Variants in ASTN2 observed in about 807,000 individuals in gnomAD.
ASTN2 encodes the protein astrotactin 2.
In ASTN2, 54 loss-of-function variants were observed where a neutral mutation model predicts 139.8. That is an observed-to-expected ratio of 0.39 (90% CI 0.31 to 0.48). ASTN2 has a LOEUF of 0.48. Ranked by LOEUF, ASTN2 falls within the 20% of genes least tolerant of loss-of-function variation. The pLI is 0.95. For missense variants in ASTN2, 1,565 were observed against 1,725.1 expected (o/e 0.91, Z 1.64); for synonymous variants, 756 against 719.5 (o/e 1.05, Z -0.81).
At chr9:117,224,855 T>A (rs1012982792) in intron 2 of ASTN2, among the ~76,000 whole-genome samples, 1 of 152,170 alleles carries the variant, frequency 6.6e-6, no homozygotes. Context: ...CTGACTGGGT[T>A]AAGTACCACC....
chr9:116,819,120 G>A (rs1167534822), intron 12 of ASTN2, among the ~76,000 whole-genome samples: 1 of 152,198 alleles, frequency 6.6e-6, no homozygotes, highest in Non-Finnish European at 1.5e-5. Flanking sequence ...GTAATGTGCT[G>A]TGGATGGAAG....
intron 4 of ASTN2, among the ~76,000 whole-genome samples, chr9:117,134,778 A>C (rs955280919): frequency 3.3e-5 from 5 of 152,170 alleles, no homozygotes; most frequent in African/African-American, 1.2e-4. Flanking sequence ...CAGATACGTA[A>C]TGCCCTGCTT....
intron 19 of ASTN2, among the ~76,000 whole-genome samples, chr9:116,565,389 A>C (rs5017820): frequency 0.14 from 2,427 of 17,230 alleles, 209 homozygotes; most frequent in Admixed American, 0.16. Context: ...CTCTCTCTCC[A>C]TATATATATA....
At chr9:117,274,093 G>A (rs1399807637) in intron 2 of ASTN2, among the ~76,000 whole-genome samples, 1 of 152,148 alleles carries the variant, frequency 6.6e-6, no homozygotes, top group East Asian at 1.9e-4. Context: ...GCTCACGCCT[G>A]TAATCCCAGC....
chr9:116,894,876 T>C (rs527631019), intron 10 of ASTN2, among the ~76,000 whole-genome samples: 1 of 152,328 alleles, frequency 6.6e-6, no homozygotes, highest in South Asian at 2.1e-4. Context: ...GCAAACAGTA[T>C]GAATTTAAGG....
intron 10 of ASTN2, among the ~76,000 whole-genome samples, chr9:116,958,201 A>T (rs542002271): frequency 3.0e-4 from 45 of 152,260 alleles, no homozygotes; most frequent in African/African-American, 9.9e-4. Flanking sequence ...CTACTCTTCA[A>T]ATTTTCTACT....
At position 117,380,443 on chromosome 9, in the gene ASTN2, A is replaced by G. The variant is rs183640878; in HGVS notation, c.442+34054T>C. 7.9e-5 allele frequency among the ~76,000 whole-genome samples: 12 copies of G among 152,076 alleles called. No homozygotes were observed. In the East Asian group the frequency reaches 2.1e-3, roughly 27 times the overall value. On this transcript the variant is annotated intron_variant, in intron 1 of 22. Coordinates refer to ENST00000313400, the MANE Select transcript of ASTN2 (RefSeq NM_001365068.1). Reference sequence around the variant, plus strand: ...GACATGGTGAAACCCTGTCTCTACTAAAAATACAAAAATTAGCTGGGGGTG... The same window carrying G: ...GACATGGTGAAACCCTGTCTCTACTGAAAATACAAAAATTAGCTGGGGGTG...
chr9:117,278,471 A>G (rs1834247216), intron 2 of ASTN2, among the ~76,000 whole-genome samples: 1 of 152,194 alleles, frequency 6.6e-6, no homozygotes, highest in South Asian at 2.1e-4. Flanking sequence ...AATTCAGCAC[A>G]AAGGAGGTGA....
chr9:116,769,062 C>T (rs1442341946), intron 13 of ASTN2, among the ~76,000 whole-genome samples: 1 of 152,116 alleles, frequency 6.6e-6, no homozygotes, highest in Non-Finnish European at 1.5e-5. Context: ...TCAAAAACAA[C>T]ATACATGGGA....
chr9:116,727,811 T>C (rs575037324), intron 15 of ASTN2, among the ~76,000 whole-genome samples: 1 of 152,288 alleles, frequency 6.6e-6, no homozygotes. Context: ...AGTATACTTA[T>C]CTGAAGAAAA....
Position 116,910,251 on chromosome 9 carries a change from G to A in ASTN2, c.1890-46518C>T, listed in dbSNP as rs544527980. 1.4e-4 allele frequency among the ~76,000 whole-genome samples: 22 copies of A among 152,290 alleles called. 1 individual carries two copies. Among genetic ancestry groups the A allele is most frequent in the Middle Eastern group, 3.4e-3 (1 of 294 alleles). On this transcript the variant is annotated intron_variant, in intron 10 of 22. Transcript: ENST00000313400. ...GAAGAGAAATCATGACAAATCGACA[G>A]CACTTTAAAGATGCGTGTATCTTTC...
chr9:117,157,777 G>A (rs527845697), intron 3 of ASTN2, among the ~76,000 whole-genome samples: 6 of 152,098 alleles, frequency 3.9e-5, no homozygotes, highest in South Asian at 2.1e-4. Flanking sequence ...GAGAAGGAGC[G>A]AATGACCCCA....
intron 11 of ASTN2, among the ~76,000 whole-genome samples, chr9:116,846,065 A>C (rs1832421767): frequency 6.6e-6 from 1 of 152,192 alleles, no homozygotes; most frequent in Non-Finnish European, 1.5e-5. Flanking sequence ...GCATGGATGA[A>C]CCCTGAGGAC....
At chr9:116,615,829 A>C (rs7027941) in intron 19 of ASTN2, among the ~76,000 whole-genome samples, 142,171 of 151,944 alleles carry the variant, frequency 0.94, 66,553 homozygotes, top group East Asian at 0.96. Flanking sequence ...ACATATGTAA[A>C]AAACCTGCAC....
At chr9:117,035,675 A>G (rs1390342368) in intron 6 of ASTN2, among the ~76,000 whole-genome samples, 1 of 152,142 alleles carries the variant, frequency 6.6e-6, no homozygotes, top group African/African-American at 2.4e-5. Context: ...AGCAGCACTG[A>G]TAGAGTTTCT....
At chr9:116,819,260 C>T (rs1048581393) in intron 12 of ASTN2, among the ~76,000 whole-genome samples, 5 of 152,156 alleles carry the variant, frequency 3.3e-5, no homozygotes, top group Non-Finnish European at 7.3e-5. Flanking sequence ...ATGACAAGAA[C>T]ATGGCTGATT....
chr9:117,121,276 G>A (rs989327608), intron 4 of ASTN2, among the ~76,000 whole-genome samples: 2 of 152,304 alleles, frequency 1.3e-5, no homozygotes, highest in East Asian at 3.9e-4. Context: ...GGAAAAATAT[G>A]TTCAAGATTT....
chr9:116,769,805 A>G (rs1465095323), intron 13 of ASTN2, among the ~76,000 whole-genome samples: 2 of 152,122 alleles, frequency 1.3e-5, no homozygotes, highest in Non-Finnish European at 2.9e-5. Context: ...AACACGTTGC[A>G]AGGTCGAGGC....
rs1014843439 is a variant in ASTN2 at position 116,938,260 on chromosome 9, T to C, written c.1889+36948A>G. On this transcript the variant is annotated intron_variant, in intron 10 of 22. Coordinates refer to ENST00000313400, the MANE Select transcript of ASTN2 (RefSeq NM_001365068.1). The stretch of plus-strand genomic sequence containing the variant: ...TGCCATGAAGCACTGTTTGCAATGG[T>C]AGAGAAGGATGCTAATACAATCCTT... Among the ~76,000 whole-genome samples, 25 of 149,436 alleles carry C rather than the reference T, an allele frequency of 1.7e-4. No homozygotes were observed. In the East Asian group the frequency reaches 3.2e-3, roughly 19 times the overall value.
Sources: allele counts gnomAD v4.1 joint callset (sites outside exome capture counted in the v4.1 genomes callset), GRCh38; gene constraint gnomAD v4.1.1; transcripts MANE v1.5; gene names NCBI Gene and HGNC (gene_info 2026-07-23, HGNC 2026-07-21).